Variants in CAB39 observed in about 807,000 individuals in gnomAD.
CAB39 encodes calcium-binding protein 39.
In CAB39, 8 loss-of-function variants were observed where a neutral mutation model predicts 40.0. The ratio of observed to expected loss-of-function variants is 0.20; its 90% CI spans 0.12 to 0.36. The LOEUF is 0.36. Ranked by LOEUF, CAB39 falls within the 10% of genes least tolerant of loss-of-function variation. The pLI is 1.00. For missense variants in CAB39, 270 were observed against 401.1 expected (o/e 0.67, Z 2.79); for synonymous variants, 156 against 141.6 (o/e 1.10, Z -0.72).
intron 6 of CAB39, among the ~76,000 whole-genome samples, chr2:230,811,391 C>T (rs1350450319): frequency 6.6e-6 from 1 of 152,146 alleles, no homozygotes; most frequent in African/African-American, 2.4e-5. Context: ...CATAAGTAGC[C>T]TCATAAATGG....
At chr2:230,756,553 A>G (rs1311451478) in intron 1 of CAB39, among the ~76,000 whole-genome samples, 2 of 152,192 alleles carry the variant, frequency 1.3e-5, no homozygotes, top group African/African-American at 4.8e-5. Context: ...TTGCCTACCA[A>G]AATCTTGGGT....
At chr2:230,762,026 G>T (rs561367182) in intron 2 of CAB39, among the ~76,000 whole-genome samples, 1 of 152,124 alleles carries the variant, frequency 6.6e-6, no homozygotes, top group East Asian at 1.9e-4. Flanking sequence ...TCCTGTCCCA[G>T]ACTCCAGAGT....
At chr2:230,818,435 T>C (rs753940023) in intron 8 of CAB39, 81 bp from the exon 9 acceptor site, 48 of 1,168,794 alleles carry the variant, frequency 4.1e-5, no homozygotes, top group Non-Finnish European at 5.7e-5. Context: ...ACAGCTCTGC[T>C]TTTCTGCACT....
At chr2:230,717,863 G>A (rs755003858) in intron 1 of CAB39, among the ~76,000 whole-genome samples, 1 of 152,216 alleles carries the variant, frequency 6.6e-6, no homozygotes, top group African/African-American at 2.4e-5. Flanking sequence ...GCAGAGGAAG[G>A]CAGGATGGCA....
intron 2 of CAB39, among the ~76,000 whole-genome samples, chr2:230,775,321 C>T (rs567491646): frequency 1.8e-4 from 27 of 148,406 alleles, no homozygotes; most frequent in African/African-American, 6.2e-4. Context: ...CCGCAACCTC[C>T]GCCTCCCGGG....
chr2:230,809,748 T>C (rs1696272077), intron 5 of CAB39, among the ~76,000 whole-genome samples: 1 of 151,610 alleles, frequency 6.6e-6, no homozygotes, highest in Non-Finnish European at 1.5e-5. Context: ...AAACACACTC[T>C]ACCTCTAAAA....
At position 230,769,003 on chromosome 2, in the gene CAB39, A is replaced by G. The variant is rs565113425; in HGVS notation, c.114+8888A>G. Among the ~76,000 whole-genome samples, 7 of 152,300 alleles carry G rather than the reference A, an allele frequency of 4.6e-5. No homozygotes were observed. In the South Asian group the frequency reaches 1.5e-3, roughly 32 times the overall value. On this transcript the variant is annotated intron_variant, in intron 2 of 8. Transcript: ENST00000258418. ...GAATCCCTACTATATGGTGCCTATTAAAAAATGTACTTTACAGTTAGCAAC... is the reference window on the plus strand; with the variant it reads ...GAATCCCTACTATATGGTGCCTATTGAAAAATGTACTTTACAGTTAGCAAC...
chr2:230,773,349 T>TGTGTGTGTGTGTGTGTGTGTGTGTG (rs1553673089), intron 2 of CAB39, among the ~76,000 whole-genome samples: 1 of 150,466 alleles, frequency 6.6e-6, no homozygotes, highest in Non-Finnish European at 1.5e-5. Context: ...TGTGTGTGTG[T>TGTGTGTGTGTGTGTGTGTGTGTGTG]TACATTAGGT....
At chr2:230,735,531 G>A (rs1219729150) in intron 1 of CAB39, among the ~76,000 whole-genome samples, 1 of 151,356 alleles carries the variant, frequency 6.6e-6, no homozygotes, top group Non-Finnish European at 1.5e-5. Flanking sequence ...GGGGGATGGG[G>A]GGGACAGAGT....
intron 1 of CAB39, among the ~76,000 whole-genome samples, chr2:230,758,858 T>C (rs561082734): frequency 1.4e-4 from 21 of 152,222 alleles, no homozygotes; most frequent in Non-Finnish European, 2.9e-4. Context: ...GATAGGAGAC[T>C]GTTTAGTGCC....
chr2:230,741,518 T>C (rs1694876539), intron 1 of CAB39, among the ~76,000 whole-genome samples: 1 of 152,180 alleles, frequency 6.6e-6, no homozygotes, highest in Non-Finnish European at 1.5e-5. Context: ...TTCTCCTTTT[T>C]CTTGAAAGAT....
chr2:230,820,697 G>C lies in CAB39; in HGVS notation c.*1993G>C, dbSNP rs1696494370. The stretch of plus-strand genomic sequence containing the variant: ...TAGCCTTTTAGGTGGAAGAAGTGAG[G>C]GTGCAGCGTGTCAGACACAACATTC... On this transcript the variant is annotated 3_prime_UTR_variant, in exon 9 of 9. Coordinates refer to ENST00000258418, the MANE Select transcript of CAB39 (RefSeq NM_016289.4). 6.6e-6 allele frequency: 1 copy of C among 152,624 alleles called. No individual in the cohort carries two copies. 9.5% of individuals were successfully genotyped at this position (152,624 alleles called of 1,614,324 possible). A position where few individuals can be genotyped will look rare whatever the true frequency, so the allele number is the denominator to read the frequency against.
chr2:230,746,091 C>T (rs1694971217), intron 1 of CAB39, among the ~76,000 whole-genome samples: 1 of 152,112 alleles, frequency 6.6e-6, no homozygotes, highest in African/African-American at 2.4e-5. Flanking sequence ...TTTAAAATTA[C>T]ATTTTTATGT....
intron 8 of CAB39, chr2:230,818,250 C>A (rs1480778284): frequency 4.4e-6 from 2 of 449,736 alleles, no homozygotes; most frequent in Non-Finnish European, 7.8e-6. Flanking sequence ...CCATTTTATT[C>A]TAAAATCAAA....
intron 5 of CAB39, among the ~76,000 whole-genome samples, chr2:230,806,253 A>G (rs1488060076): frequency 6.6e-6 from 1 of 152,186 alleles, no homozygotes; most frequent in Non-Finnish European, 1.5e-5. Context: ...AAATCAGACA[A>G]TAAATGGGGA....
chr2:230,795,965 A>C (rs1695979434), intron 4 of CAB39, among the ~76,000 whole-genome samples: 1 of 152,150 alleles, frequency 6.6e-6, no homozygotes, highest in African/African-American at 2.4e-5. Flanking sequence ...GATATGTCTC[A>C]ATCCATTCCA....
At chr2:230,731,490 T>C (rs955054612) in intron 1 of CAB39, among the ~76,000 whole-genome samples, 3 of 152,190 alleles carry the variant, frequency 2.0e-5, no homozygotes, top group African/African-American at 7.2e-5. Flanking sequence ...TACTGAAAAT[T>C]ATTGGATTTT....
At position 230,759,948 on chromosome 2, in the gene CAB39, C is replaced by A; in HGVS notation, c.-43-11C>A. The A allele has an allele frequency of 1.1e-6, 1 of 898,468 alleles. No homozygotes were observed. Among genetic ancestry groups the A allele is most frequent in the Non-Finnish European group, 1.8e-6 (1 of 546,582 alleles). The allele number at this position is 898,468 out of a possible 1,614,324, so 55.7% of individuals were successfully genotyped here. On this transcript the variant is annotated splice_polypyrimidine_tract_variant and intron_variant, in intron 1 of 8. Transcript: ENST00000258418. The stretch of plus-strand genomic sequence containing the variant: ...AGTGTTTGCTCACATGAACCTTGTG[C>A]TGTGTTCTAGGTAGCACAGGCGGAG...
chr2:230,771,914 A>G (rs1269077678), intron 2 of CAB39, among the ~76,000 whole-genome samples: 3 of 152,240 alleles, frequency 2.0e-5, no homozygotes, highest in Non-Finnish European at 4.4e-5. Flanking sequence ...CTCAGACCTC[A>G]TACCATATTT....
Sources: gnomAD v4.1 joint callset for allele counts (sites outside exome capture counted in the v4.1 genomes callset) on GRCh38, gnomAD v4.1.1 for gene constraint, MANE v1.5 for transcripts, NCBI Gene and HGNC (gene_info 2026-07-23, HGNC 2026-07-21) for gene names.